Variants in GUCY1A2 observed in about 807,000 individuals in gnomAD.
GUCY1A2 encodes guanylate cyclase soluble subunit alpha-2.
Under a neutral mutation model 63.5 loss-of-function variants are expected in GUCY1A2, and 27 were observed. The observed-to-expected ratio is 0.43, with a 90% CI of 0.31 to 0.59. The LOEUF (loss-of-function observed/expected upper bound fraction) is 0.59, where lower values mean the gene tolerates loss of function less well. Among genes scored for constraint, GUCY1A2 ranks in the 20% least tolerant of loss-of-function variants. The pLI is 0.11. For synonymous variants in GUCY1A2, 364 were observed against 343.5 expected (o/e 1.06, Z -0.66); for missense variants, 768 against 913.3 (o/e 0.84, Z 2.05).
intron 6 of GUCY1A2, among the ~76,000 whole-genome samples, chr11:106,710,583 A>G (rs1211587360): frequency 6.6e-6 from 1 of 151,290 alleles, no homozygotes; most frequent in African/African-American, 2.4e-5. Context: ...GAGACAGTCA[A>G]TAGGCATTGA....
intron 5 of GUCY1A2, among the ~76,000 whole-genome samples, chr11:106,788,812 G>C (rs1253781978): frequency 6.6e-6 from 1 of 152,154 alleles, no homozygotes. Flanking sequence ...TAGCTCTGTA[G>C]TATAATTTGA....
chr11:107,014,612 CT>C (rs1421904303), intron 1 of GUCY1A2, among the ~76,000 whole-genome samples: 2 of 152,124 alleles, frequency 1.3e-5, no homozygotes, highest in African/African-American at 4.8e-5. Flanking sequence ...ATCGGTGCAT[CT>C]TAAAGTGACT....
intron 6 of GUCY1A2, among the ~76,000 whole-genome samples, chr11:106,737,736 T>C (rs1032182023): frequency 6.6e-6 from 1 of 152,232 alleles, no homozygotes; most frequent in Non-Finnish European, 1.5e-5. Context: ...ACTCATCCTT[T>C]TTTATGGTTG....
chr11:106,870,098 C>T (rs1295727554), intron 4 of GUCY1A2, among the ~76,000 whole-genome samples: 2 of 85,438 alleles, frequency 2.3e-5, no homozygotes, highest in African/African-American at 1.0e-4. Context: ...CACACCAGGG[C>T]CTCTTGTGAG....
intron 3 of GUCY1A2, among the ~76,000 whole-genome samples, chr11:106,945,391 C>CA (rs202179958): frequency 0.032 from 992 of 31,066 alleles, 12 homozygotes; most frequent in African/African-American, 0.11. Flanking sequence ...AAAACAAAAA[C>CA]AAAAAAAACA....
At chr11:106,783,721 G>A (rs982798631) in intron 5 of GUCY1A2, among the ~76,000 whole-genome samples, 8 of 152,088 alleles carry the variant, frequency 5.3e-5, no homozygotes, top group African/African-American at 1.2e-4. Context: ...GTAGAGGTTT[G>A]TTCAAAAAAA....
At chr11:106,758,837 C>T (rs1281962837) in intron 6 of GUCY1A2, among the ~76,000 whole-genome samples, 4 of 152,014 alleles carry the variant, frequency 2.6e-5, no homozygotes, top group Non-Finnish European at 4.4e-5. Flanking sequence ...GCATTAATTA[C>T]AGAGGAGGTT....
In GUCY1A2 at chr11:106,687,735, A is replaced by C; in HGVS notation, c.2013T>G (p.Ser671Arg). The change falls in exon 8 of 8, where the codon AGT (serine) becomes AGG (arginine). Residue 671 changes from serine (S) to arginine (R), a missense_variant. Ser to Arg is a moderately radical substitution (Grantham distance 110). Coordinates refer to ENST00000526355, the MANE Select transcript of GUCY1A2 (RefSeq NM_000855.3). ...TTYQLLKREE[S>R]FTFIPRSREE... ...CACGAGACCGCGGAATGAATGTGAA[A>C]CTTTCTTCTCGTTTTAATAATCTAA... 6.2e-7 allele frequency: 1 copy of C among 1,610,668 alleles called. No homozygotes were observed. The highest frequency in any genetic ancestry group is 8.5e-7 in the Non-Finnish European group (1 of 1,176,840).
intron 1 of GUCY1A2, among the ~76,000 whole-genome samples, chr11:106,993,280 T>C (rs916805845): frequency 2.0e-5 from 3 of 152,234 alleles, no homozygotes; most frequent in African/African-American, 7.2e-5. Flanking sequence ...GGATACCCTA[T>C]GTCAAATTCC....
chr11:106,836,163 G>A (rs1199076661), intron 4 of GUCY1A2, among the ~76,000 whole-genome samples: 1 of 151,904 alleles, frequency 6.6e-6, no homozygotes, highest in Non-Finnish European at 1.5e-5. Context: ...GGGATTGGGA[G>A]CGCTGGTCCC....
Position 106,680,337 on chromosome 11 carries a change from T to A in GUCY1A2, c.*7212A>T, listed in dbSNP as rs752507183. 4 of 209,804 alleles carry A rather than the reference T, an allele frequency of 1.9e-5. No individual in the cohort carries two copies. Among genetic ancestry groups the A allele is most frequent in the African/African-American group, 2.3e-5 (1 of 44,046 alleles). The allele number at this position is 209,804 out of a possible 1,614,324, so 13.0% of individuals were successfully genotyped here. On this transcript the variant is annotated 3_prime_UTR_variant, in exon 8 of 8. Coordinates refer to ENST00000526355, the MANE Select transcript of GUCY1A2 (RefSeq NM_000855.3). ...CACAGTAAAAATATATTAAGTAGAATTCCTTCTTTATCTGCAAATAGCAAA... is the reference window on the plus strand; with the variant it reads ...CACAGTAAAAATATATTAAGTAGAAATCCTTCTTTATCTGCAAATAGCAAA...
At chr11:106,761,699 C>T (rs1269845881) in intron 6 of GUCY1A2, among the ~76,000 whole-genome samples, 2 of 152,092 alleles carry the variant, frequency 1.3e-5, no homozygotes, top group Admixed American at 1.3e-4. Flanking sequence ...CCTTGAAGCA[C>T]CAAGTTTAAA....
intron 6 of GUCY1A2, among the ~76,000 whole-genome samples, chr11:106,757,094 A>G (rs1391190255): frequency 6.6e-6 from 1 of 152,058 alleles, no homozygotes; most frequent in African/African-American, 2.4e-5. Context: ...TATTTCATTA[A>G]TTTGATCTTC....
At chr11:107,001,400 G>A (rs1425024273) in intron 1 of GUCY1A2, among the ~76,000 whole-genome samples, 2 of 152,168 alleles carry the variant, frequency 1.3e-5, no homozygotes, top group Non-Finnish European at 2.9e-5. Flanking sequence ...AGAAGATCAA[G>A]CATTCAAGGA....
intron 6 of GUCY1A2, among the ~76,000 whole-genome samples, chr11:106,741,886 C>T (rs1351986759): frequency 6.6e-6 from 1 of 152,168 alleles, no homozygotes; most frequent in Non-Finnish European, 1.5e-5. Context: ...ATAATTACTT[C>T]ATGAATTTGA....
chr11:106,942,001 T>G, intron 3 of GUCY1A2, among the ~76,000 whole-genome samples: 1 of 152,204 alleles, frequency 6.6e-6, no homozygotes, highest in East Asian at 1.9e-4. Flanking sequence ...CTCTTCAACA[T>G]GTGTTGCATT....
At chr11:106,883,152 A>C (rs1043578426) in intron 4 of GUCY1A2, among the ~76,000 whole-genome samples, 4 of 152,076 alleles carry the variant, frequency 2.6e-5, no homozygotes, top group African/African-American at 9.7e-5. Flanking sequence ...ACTTAAATTC[A>C]TTCTTTCCTC....
At position 106,946,076 on chromosome 11, in the gene GUCY1A2, A is replaced by G. The variant is rs377107148; in HGVS notation, c.488-5898T>C. ...TGAAACTAAACAATCTCAGCAAACC[A>G]CAGGACTTGGATGGTGAGGAGAGGG... On this transcript the variant is annotated intron_variant, in intron 3 of 7. Coordinates refer to ENST00000526355, the MANE Select transcript of GUCY1A2 (RefSeq NM_000855.3). 2.6e-5 allele frequency among the ~76,000 whole-genome samples: 4 copies of G among 152,320 alleles called. 1 individual carries two copies. Among genetic ancestry groups the G allele is most frequent in the Admixed American group, 6.5e-5 (1 of 15,296 alleles).
intron 4 of GUCY1A2, among the ~76,000 whole-genome samples, chr11:106,919,315 G>A (rs1860410128): frequency 6.6e-6 from 1 of 152,090 alleles, no homozygotes; most frequent in South Asian, 2.1e-4. Context: ...ACAGCATGAT[G>A]ACTATAGTTA....
Sources: gnomAD v4.1 joint callset for allele counts (sites outside exome capture counted in the v4.1 genomes callset) on GRCh38, gnomAD v4.1.1 for gene constraint, MANE v1.5 for transcripts, NCBI Gene and HGNC (gene_info 2026-07-23, HGNC 2026-07-21) for gene names.